NEK11: variants seen among roughly 807,000 people sequenced by gnomAD.
NEK11 encodes serine/threonine-protein kinase Nek11.
In NEK11, 72 loss-of-function variants were observed where a neutral mutation model predicts 80.7. The observed-to-expected ratio is 0.89, with a 90% CI of 0.74 to 1.08. The LOEUF is 1.08. Among genes scored for constraint, NEK11 ranks in the 50% least tolerant of loss-of-function variants. The pLI, the probability that NEK11 is intolerant of heterozygous loss-of-function variation, is 0.00. For synonymous variants in NEK11, 251 were observed against 260.7 expected, an observed-to-expected ratio of 0.96 and a Z score of 0.36; for missense variants, 764 against 763.6, an observed-to-expected ratio of 1.00 and a Z score of -0.01.
At chr3:131,117,206 T>C (rs1578525781) in intron 5 of NEK11, among the ~76,000 whole-genome samples, 2 of 152,322 alleles carry the variant, frequency 1.3e-5, no homozygotes, top group East Asian at 3.9e-4. Context: ...CTAGCCAGTT[T>C]TCCCAGCACC....
chr3:131,262,771 G>A (rs961522261), intron 16 of NEK11, among the ~76,000 whole-genome samples: 21 of 152,196 alleles, frequency 1.4e-4, no homozygotes, highest in Non-Finnish European at 2.2e-4. Context: ...CCATCAGCCC[G>A]TCATCTACAT....
At chr3:131,167,718 G>A (rs1016257240) in intron 12 of NEK11, among the ~76,000 whole-genome samples, 1 of 152,056 alleles carries the variant, frequency 6.6e-6, no homozygotes, top group Non-Finnish European at 1.5e-5. Flanking sequence ...TCTGATCTTG[G>A]CCCAACTCAG....
rs1010576933 is a variant in NEK11, at chr3:131,267,331, C to T, written c.1622-6147C>T. Among the ~76,000 whole-genome samples, 8 of 152,168 alleles carry T rather than the reference C, an allele frequency of 5.3e-5. No homozygotes were observed. The East Asian group carries it at 1.3e-3, about 26-fold the overall frequency. ...TGTTTTTGCAGTGGCTGGTACTGGT[C>T]GTTCCTTTCCATGTTTAGTGCTTCC... is the stretch of plus-strand genomic sequence containing the variant. On this transcript the variant is annotated intron_variant, in intron 16 of 17. Coordinates refer to ENST00000383366, the MANE Select transcript of NEK11 (RefSeq NM_024800.5).
intron 4 of NEK11, among the ~76,000 whole-genome samples, chr3:131,102,338 A>G (rs1459912829): frequency 6.6e-6 from 1 of 151,838 alleles, no homozygotes; most frequent in African/African-American, 2.4e-5. Context: ...CACATTTAGC[A>G]CTCCCTTAAG....
chr3:131,042,020 G>T (rs538832448), intron 3 of NEK11, among the ~76,000 whole-genome samples: 1 of 152,288 alleles, frequency 6.6e-6, no homozygotes, highest in South Asian at 2.1e-4. Context: ...CCCTCCCCTA[G>T]CGAAGGGAAG....
chr3:131,138,189 G>A (rs2086019436), intron 7 of NEK11, among the ~76,000 whole-genome samples: 1 of 152,150 alleles, frequency 6.6e-6, no homozygotes, highest in Non-Finnish European at 1.5e-5. Flanking sequence ...TGCCCTGAGG[G>A]GTGAGTTCCA....
Position 131,046,143 on chromosome 3 carries a change from A to T in NEK11, c.170+16265A>T, listed in dbSNP as rs190173164. On this transcript the variant is annotated intron_variant, in intron 3 of 17. Coordinates refer to ENST00000383366, the MANE Select transcript of NEK11 (RefSeq NM_024800.5). ...TGAGATACATGCTATTCTATTCCTT[A>T]TGCGGTTTGTTGCCTGAATACCTTT... 6.1e-4 allele frequency among the ~76,000 whole-genome samples: 93 copies of T among 152,240 alleles called. 1 individual carries two copies. Among genetic ancestry groups the T allele is most frequent in the Admixed American group, 1.6e-3 (24 of 15,304 alleles).
Position 131,118,206 on chromosome 3 carries a change from G to C in NEK11, c.455+8285G>C, listed in dbSNP as rs530807912. ...GAAGGGCTGTTGAAGTTTGTCGAAG[G>C]CCTTTTCTGCATCTATTGAGATAAT... is the stretch of plus-strand genomic sequence containing the variant. On this transcript the variant is annotated intron_variant, in intron 5 of 17. Coordinates refer to ENST00000383366, the MANE Select transcript of NEK11 (RefSeq NM_024800.5). 2.6e-5 allele frequency among the ~76,000 whole-genome samples: 4 copies of C among 152,230 alleles called. No homozygotes were observed. The South Asian group carries it at 8.3e-4, about 32-fold the overall frequency.
At chr3:131,102,027 A>G in intron 4 of NEK11, among the ~76,000 whole-genome samples, 1 of 152,166 alleles carries the variant, frequency 6.6e-6, no homozygotes, top group Non-Finnish European at 1.5e-5. Context: ...GTTATTTTAT[A>G]TGGGAATAGT....
At chr3:131,080,389 C>T (rs771107887) in intron 3 of NEK11, 34 bp from the exon 4 acceptor site, 1 of 1,496,570 alleles carries the variant, frequency 6.7e-7, no homozygotes. Flanking sequence ...TGTTTTTCAG[C>T]TCTAAATGTT....
chr3:131,138,795 A>C (rs2086204627), intron 7 of NEK11, among the ~76,000 whole-genome samples: 1 of 152,216 alleles, frequency 6.6e-6, no homozygotes, highest in Non-Finnish European at 1.5e-5. Context: ...GTACCTCTAC[A>C]AGTCTGTAAG....
intron 17 of NEK11, among the ~76,000 whole-genome samples, chr3:131,301,475 C>CTT (rs1223489753): frequency 6.9e-6 from 1 of 145,254 alleles, no homozygotes; most frequent in African/African-American, 2.5e-5. Flanking sequence ...AATGCTACAG[C>CTT]TTTTTTTTTT....
chr3:131,256,276 AT>A (rs2095814977), intron 16 of NEK11, among the ~76,000 whole-genome samples: 1 of 152,192 alleles, frequency 6.6e-6, no homozygotes, highest in South Asian at 2.1e-4. Context: ...CACTGATTTG[AT>A]TTTTATACAA....
chr3:131,255,070 C>T (rs34577517), intron 16 of NEK11, among the ~76,000 whole-genome samples: 5 of 108,614 alleles, frequency 4.6e-5, no homozygotes, highest in Admixed American at 2.1e-4. Flanking sequence ...GACAGACAGA[C>T]AGAAAGAAGG....
intron 7 of NEK11, among the ~76,000 whole-genome samples, chr3:131,148,361 A>C (rs1245747872): frequency 6.6e-6 from 1 of 152,034 alleles, no homozygotes; most frequent in Non-Finnish European, 1.5e-5. Context: ...GTTATATTTT[A>C]GTATCAAACT....
chr3:131,152,794 T>C, intron 9 of NEK11, 85 bp downstream of exon 9: 2 of 962,240 alleles, frequency 2.1e-6, no homozygotes, highest in Non-Finnish European at 3.2e-6. Flanking sequence ...AGTGGGGATA[T>C]GATTCAGTAA....
intron 4 of NEK11, among the ~76,000 whole-genome samples, chr3:131,099,276 G>T (rs1322744416): frequency 6.6e-6 from 1 of 152,064 alleles, no homozygotes; most frequent in Non-Finnish European, 1.5e-5. Flanking sequence ...GAGATCAGAC[G>T]GTTGTGTGTG....
intron 16 of NEK11, among the ~76,000 whole-genome samples, chr3:131,252,426 G>A (rs1307038039): frequency 1.3e-5 from 2 of 152,026 alleles, no homozygotes; most frequent in Non-Finnish European, 2.9e-5. Flanking sequence ...TTTTAACTTC[G>A]AAACCCTGAA....
chr3:131,341,920 A>T (rs1188693648), intron 17 of NEK11, among the ~76,000 whole-genome samples: 1 of 152,120 alleles, frequency 6.6e-6, no homozygotes, highest in Non-Finnish European at 1.5e-5. Context: ...ACCTAGCTGG[A>T]TTTTGTTTTT....
Sources: gnomAD v4.1 joint callset for allele counts (sites outside exome capture counted in the v4.1 genomes callset) on GRCh38, gnomAD v4.1.1 for gene constraint, MANE v1.5 for transcripts, NCBI Gene and HGNC (gene_info 2026-07-23, HGNC 2026-07-21) for gene names.